The following NKAIN2 variants were observed in gnomAD, a reference collection of about 807,000 sequenced individuals.
NKAIN2 encodes the protein sodium/potassium-transporting ATPase subunit beta-1-interacting protein 2.
NKAIN2 carries 14 observed loss-of-function variants against 32.6 expected under a neutral mutation model. The ratio of observed to expected loss-of-function variants is 0.43; its 90% confidence interval spans 0.28 to 0.67. NKAIN2 has a LOEUF of 0.67. Among genes scored for constraint, NKAIN2 ranks in the 30% least tolerant of loss-of-function variants. The pLI, the probability that NKAIN2 is intolerant of heterozygous loss-of-function variation, is 0.17. For missense variants in NKAIN2, 198 were observed against 258.3 expected (o/e 0.77, Z 1.60); for synonymous variants, 80 against 87.2 (o/e 0.92, Z 0.46).
chr6:124,691,221 T>C (rs1278252326), intron 4 of NKAIN2, among the ~76,000 whole-genome samples: 1 of 152,140 alleles, frequency 6.6e-6, no homozygotes, highest in African/African-American at 2.4e-5. Flanking sequence ...GGATCACTTC[T>C]GCTAAGAAAA....
chr6:124,512,994 A>G (rs1778773229), intron 3 of NKAIN2, among the ~76,000 whole-genome samples: 2 of 152,318 alleles, frequency 1.3e-5, no homozygotes, highest in East Asian at 3.9e-4. Context: ...AAAAATTACC[A>G]AAATGACAGG....
intron 4 of NKAIN2, among the ~76,000 whole-genome samples, chr6:124,780,355 CAG>C (rs1779203148): frequency 6.6e-6 from 1 of 152,178 alleles, no homozygotes; most frequent in South Asian, 2.1e-4. Context: ...TATATGAGCA[CAG>C]AGAGTGAGGA....
chr6:124,594,621 C>T (rs1339833703), intron 3 of NKAIN2, among the ~76,000 whole-genome samples: 3 of 152,004 alleles, frequency 2.0e-5, no homozygotes, highest in South Asian at 2.1e-4. Context: ...AGAATGAGAC[C>T]TCTTTTTCCA....
chr6:124,580,845 A>G (rs1781491979), intron 3 of NKAIN2, among the ~76,000 whole-genome samples: 1 of 152,214 alleles, frequency 6.6e-6, no homozygotes, highest in Non-Finnish European at 1.5e-5. Context: ...AACAAACCAA[A>G]CAACTAAACA....
At chr6:124,150,169 A>G (rs753957275) in intron 1 of NKAIN2, among the ~76,000 whole-genome samples, 19 of 152,028 alleles carry the variant, frequency 1.2e-4, no homozygotes, top group East Asian at 1.9e-4. Flanking sequence ...TCCTTTCCCT[A>G]TAGTTTTTCC....
chr6:124,361,634 G>C (rs2114277891), intron 3 of NKAIN2, among the ~76,000 whole-genome samples: 1 of 152,112 alleles, frequency 6.6e-6, no homozygotes, highest in South Asian at 2.1e-4. Context: ...TAATAATTTT[G>C]ATAGTTGCTT....
At chr6:123,926,449 C>T (rs988416359) in intron 1 of NKAIN2, among the ~76,000 whole-genome samples, 4 of 152,090 alleles carry the variant, frequency 2.6e-5, no homozygotes, top group Non-Finnish European at 4.4e-5. Context: ...CCCCAGATGC[C>T]CACTGCTCCG....
chr6:123,831,414 G>T (rs1774370943), intron 1 of NKAIN2, among the ~76,000 whole-genome samples: 1 of 149,440 alleles, frequency 6.7e-6, no homozygotes, highest in African/African-American at 2.4e-5. Flanking sequence ...TTTAATTTCT[G>T]GGAAAAGTTA....
chr6:124,578,474 G>A (rs1440885634), intron 3 of NKAIN2, among the ~76,000 whole-genome samples: 4 of 151,964 alleles, frequency 2.6e-5, no homozygotes, highest in Non-Finnish European at 4.4e-5. Context: ...GCCACAGAGA[G>A]AGACTCCTCT....
At chr6:124,007,833 A>T (rs1388116938) in intron 1 of NKAIN2, among the ~76,000 whole-genome samples, 2 of 152,114 alleles carry the variant, frequency 1.3e-5, no homozygotes, top group Non-Finnish European at 2.9e-5. Flanking sequence ...TTATCCTAGG[A>T]TTTATTCCTT....
chr6:124,100,830 C>T (rs1251857390), intron 1 of NKAIN2, among the ~76,000 whole-genome samples: 1 of 152,162 alleles, frequency 6.6e-6, no homozygotes, highest in Non-Finnish European at 1.5e-5. Context: ...ATATTAATAG[C>T]AATTTCTCCT....
chr6:124,168,082 G>A (rs1788661176), intron 1 of NKAIN2, among the ~76,000 whole-genome samples: 2 of 152,184 alleles, frequency 1.3e-5, no homozygotes, highest in Admixed American at 6.6e-5. Flanking sequence ...TAGGTGAAGA[G>A]TTTGAAGCAA....
chr6:124,420,842 T>C (rs2114532306), intron 3 of NKAIN2, among the ~76,000 whole-genome samples: 1 of 152,056 alleles, frequency 6.6e-6, no homozygotes, highest in East Asian at 1.9e-4. Flanking sequence ...TTTTTAATAC[T>C]CAGGATAAAA....
At chr6:124,550,912 GGGAATAAAACTGAT>G (rs1780263630) in intron 3 of NKAIN2, among the ~76,000 whole-genome samples, 2 of 152,174 alleles carry the variant, frequency 1.3e-5, no homozygotes, top group African/African-American at 2.4e-5. Context: ...TAAGAGTGAA[GGGAATAAAACTGAT>G]GGAAGTTTGA....
At chr6:123,863,570 T>C (rs1423693472) in intron 1 of NKAIN2, among the ~76,000 whole-genome samples, 1 of 152,176 alleles carries the variant, frequency 6.6e-6, no homozygotes, top group Non-Finnish European at 1.5e-5. Flanking sequence ...CTGAGAAAAC[T>C]GTTTGTGGCT....
chr6:123,838,313 C>T (rs1012728806), intron 1 of NKAIN2, among the ~76,000 whole-genome samples: 2 of 152,068 alleles, frequency 1.3e-5, no homozygotes, highest in Non-Finnish European at 2.9e-5. Flanking sequence ...TTGAAAGCTA[C>T]TTCATAAATT....
intron 1 of NKAIN2, among the ~76,000 whole-genome samples, chr6:124,171,978 A>C (rs1038952837): frequency 6.6e-6 from 1 of 151,128 alleles, no homozygotes; most frequent in Non-Finnish European, 1.5e-5. Flanking sequence ...ACGCCCAGCT[A>C]ATTTTTTGTA....
chr6:124,820,857 C>G (rs574594693), intron 6 of NKAIN2, among the ~76,000 whole-genome samples: 1 of 152,284 alleles, frequency 6.6e-6, no homozygotes, highest in Non-Finnish European at 1.5e-5. Flanking sequence ...TGAGGTGGAA[C>G]AGTTTCATCC....
chr6:124,182,501 A>G (rs796841583), intron 1 of NKAIN2, among the ~76,000 whole-genome samples: 8 of 152,286 alleles, frequency 5.3e-5, no homozygotes, highest in African/African-American at 1.9e-4. Flanking sequence ...TTTAAACACA[A>G]CAAGTCCTCA....
Sources: gnomAD v4.1 joint callset for allele counts (sites outside exome capture counted in the v4.1 genomes callset) on GRCh38, gnomAD v4.1.1 for gene constraint, MANE v1.5 for transcripts, NCBI Gene and HGNC (gene_info 2026-07-23, HGNC 2026-07-21) for gene names.